The following SGSM1 variants were observed in gnomAD, a reference collection of about 807,000 sequenced individuals.
SGSM1 encodes the protein small G protein signaling modulator 1.
In SGSM1, 73 loss-of-function variants were observed where a neutral mutation model predicts 133.8. The observed-to-expected ratio is 0.55, with a 90% CI of 0.45 to 0.66. SGSM1 has a LOEUF of 0.66. SGSM1 is among the 30% of genes least tolerant of loss of function. The pLI, the probability that SGSM1 is intolerant of heterozygous loss-of-function variation, is 0.00. For synonymous variants in SGSM1, 563 were observed against 573.0 expected, an observed-to-expected ratio of 0.98 and a Z score of 0.25; for missense variants, 1,213 against 1,448.1, an observed-to-expected ratio of 0.84 and a Z score of 2.64.
intron 2 of SGSM1, among the ~76,000 whole-genome samples, chr22:24,811,736 G>A (rs929336142): frequency 6.6e-6 from 1 of 151,876 alleles, no homozygotes; most frequent in East Asian, 1.9e-4. Flanking sequence ...AGGCATTGTG[G>A]TGCATGCCTG....
At chr22:24,902,884 T>G (rs1288619470) in intron 20 of SGSM1, among the ~76,000 whole-genome samples, 1 of 152,058 alleles carries the variant, frequency 6.6e-6, no homozygotes, top group East Asian at 1.9e-4. Flanking sequence ...TACAAAAGTT[T>G]TAATAAATTA....
At chr22:24,921,969 G>A (rs1447824279) in intron 24 of SGSM1, among the ~76,000 whole-genome samples, 1 of 151,918 alleles carries the variant, frequency 6.6e-6, no homozygotes, top group African/African-American at 2.4e-5. Context: ...CCAAAGTACT[G>A]GGATTACAGG....
At chr22:24,865,382 T>C (rs1931388851) in intron 9 of SGSM1, among the ~76,000 whole-genome samples, 1 of 152,174 alleles carries the variant, frequency 6.6e-6, no homozygotes, top group Non-Finnish European at 1.5e-5. Flanking sequence ...CTGCTGCCCT[T>C]GTGTTCTTGA....
chr22:24,919,301 C>A (rs1041677874), intron 23 of SGSM1, among the ~76,000 whole-genome samples: 1 of 152,078 alleles, frequency 6.6e-6, no homozygotes. Flanking sequence ...CCACCCGCCT[C>A]GGCCTCCCAA....
chr22:24,886,482 T>A, intron 15 of SGSM1, 118 bp from the exon 16 acceptor site: 6 of 1,329,218 alleles, frequency 4.5e-6, no homozygotes, highest in Non-Finnish European at 6.1e-6. Context: ...GGCGGGCAGA[T>A]CACTGAAGGT....
intron 8 of SGSM1, among the ~76,000 whole-genome samples, chr22:24,858,322 A>G (rs1339040257): frequency 6.6e-6 from 1 of 152,122 alleles, no homozygotes; most frequent in Non-Finnish European, 1.5e-5. Flanking sequence ...GTTGCTTTGC[A>G]AGAAAATCTT....
At position 24,924,551 on chromosome 22, in the gene SGSM1, A is replaced by G. The variant is rs913444333; in HGVS notation, c.*277A>G. 29 of 471,870 alleles carry G rather than the reference A, an allele frequency of 6.1e-5. No homozygotes were observed. In the Middle Eastern group the frequency reaches 1.8e-3, roughly 29 times the overall value. The allele number at this position is 471,870 out of a possible 1,614,324, so 29.2% of individuals were successfully genotyped here. A position where few individuals can be genotyped will look rare whatever the true frequency, so the allele number is the denominator to read the frequency against. ...AGGAGGTGGAGGTTGTTGGTGGAGG[A>G]GGAGCCATCTTTGTTTGCTGGTGCC... On this transcript the variant is annotated 3_prime_UTR_variant, in exon 25 of 25. Coordinates refer to ENST00000400358, the MANE Select transcript of SGSM1 (RefSeq NM_001098497.3).
At chr22:24,858,635 C>CAAA (rs139699) in intron 8 of SGSM1, among the ~76,000 whole-genome samples, 22 of 82,638 alleles carry the variant, frequency 2.7e-4, no homozygotes, top group East Asian at 7.5e-4. Context: ...GACTCCATCT[C>CAAA]AAAAAAAAAA....
In SGSM1 at chr22:24,898,126, A is replaced by G; in HGVS notation, c.2177A>G (p.Glu726Gly). ...CATAACTTCTCCTCGGGCCTCTCAGAGCACTCAGAGCCCAGTCTGAGCACA... is the reference window on the plus strand; with the variant it reads ...CATAACTTCTCCTCGGGCCTCTCAGGGCACTCAGAGCCCAGTCTGAGCACA... ...SSHNFSSGLS[E>G]HSEPSLSTED... The change falls in exon 19 of 25, where the codon GAG becomes GGG. Residue 726 changes from glutamate (E) to glycine (G), a missense_variant. By Grantham distance (98) the Glu-to-Gly change is moderately conservative. Transcript: ENST00000400358. 1 of 1,613,984 alleles carries G rather than the reference A, an allele frequency of 6.2e-7. No individual in the cohort carries two copies. Among genetic ancestry groups the G allele is most frequent in the South Asian group, 1.1e-5 (1 of 91,074 alleles).
At chr22:24,905,631 A>T (rs940680944) in intron 21 of SGSM1, among the ~76,000 whole-genome samples, 4 of 150,854 alleles carry the variant, frequency 2.7e-5, no homozygotes, top group African/African-American at 7.3e-5. Context: ...ACTAAAAATT[A>T]AAAAAAAATT....
chr22:24,892,057 T>C (rs1932823530), intron 16 of SGSM1, among the ~76,000 whole-genome samples: 1 of 151,906 alleles, frequency 6.6e-6, no homozygotes, highest in Non-Finnish European at 1.5e-5. Flanking sequence ...TGGTGCACGG[T>C]TCAGGGGGCG....
intron 9 of SGSM1, among the ~76,000 whole-genome samples, chr22:24,861,956 C>CT (rs551010251): frequency 0.011 from 1,241 of 116,484 alleles, 15 homozygotes; most frequent in African/African-American, 0.036. Context: ...TTCTTTCTTT[C>CT]TTTTTTTTTT....
chr22:24,835,298 T>C (rs544392213), intron 2 of SGSM1, among the ~76,000 whole-genome samples: 1 of 152,252 alleles, frequency 6.6e-6, no homozygotes, highest in Non-Finnish European at 1.5e-5. Flanking sequence ...CTATGCTAAA[T>C]GCTTTACCTG....
At chr22:24,871,115 G>A (rs919572005) in intron 12 of SGSM1, among the ~76,000 whole-genome samples, 2 of 152,158 alleles carry the variant, frequency 1.3e-5, no homozygotes, top group African/African-American at 4.8e-5. Flanking sequence ...TGTGCATTGT[G>A]GGATGTTGAG....
At chr22:24,816,917 A>G (rs1360243861) in intron 2 of SGSM1, among the ~76,000 whole-genome samples, 1 of 152,146 alleles carries the variant, frequency 6.6e-6, no homozygotes, top group African/African-American at 2.4e-5. Context: ...GTTCTAGCCA[A>G]AGTCTTGGGA....
intron 2 of SGSM1, among the ~76,000 whole-genome samples, chr22:24,838,488 T>C (rs1050640556): frequency 6.6e-6 from 1 of 152,240 alleles, no homozygotes; most frequent in African/African-American, 2.4e-5. Flanking sequence ...TTCAGTTCTT[T>C]GATACTTTTT....
chr22:24,855,195 G>A (rs1047411929), intron 6 of SGSM1, 90 bp from the exon 7 acceptor site: 71 of 1,550,988 alleles, frequency 4.6e-5, no homozygotes, highest in Non-Finnish European at 5.8e-5. Context: ...TGGCTGGAGG[G>A]GAGGGTAGTG....
At chr22:24,811,355 C>A (rs752000891) in intron 2 of SGSM1, among the ~76,000 whole-genome samples, 3 of 151,996 alleles carry the variant, frequency 2.0e-5, no homozygotes, top group Admixed American at 2.0e-4. Context: ...TAATTTGATA[C>A]GAATGTACTG....
At chr22:24,830,821 T>A (rs1929080672) in intron 2 of SGSM1, among the ~76,000 whole-genome samples, 1 of 149,294 alleles carries the variant, frequency 6.7e-6, no homozygotes, top group African/African-American at 2.5e-5. Context: ...TCCAGCCAGT[T>A]CCTAGGTGAT....
Sources: allele counts gnomAD v4.1 joint callset (sites outside exome capture counted in the v4.1 genomes callset), GRCh38; gene constraint gnomAD v4.1.1; transcripts MANE v1.5; gene names NCBI Gene and HGNC (gene_info 2026-07-23, HGNC 2026-07-21).